The following DLGAP4 variants were observed in gnomAD, a reference collection of about 807,000 sequenced individuals.
The protein encoded by DLGAP4 is disks large-associated protein 4.
In DLGAP4, 18 loss-of-function variants were observed where a neutral mutation model predicts 86.9. The observed-to-expected ratio is 0.21, with a 90% CI of 0.14 to 0.31. The LOEUF is 0.31. DLGAP4 is among the 10% of genes least tolerant of loss of function. DLGAP4 has a pLI of 1.00. For synonymous variants in DLGAP4, 548 were observed against 574.3 expected (o/e 0.95, Z 0.65); for missense variants, 1,085 against 1,362.6 (o/e 0.80, Z 3.21).
rs2034050922 is a variant in DLGAP4, at chr20:36,461,550, C to A, written c.1648+14613C>A. 4.1e-6 allele frequency: 4 copies of A among 972,712 alleles called. No homozygotes were observed. In the South Asian group the frequency reaches 1.8e-4, roughly 45 times the overall value. The allele number at this position is 972,712 out of a possible 1,614,324, so 60.3% of individuals were successfully genotyped here. On this transcript the variant is annotated intron_variant, in intron 7 of 12. Transcript: ENST00000339266. ...CTGGCCGCCGCCGCCGCCGCCAGTC[C>A]GTCCGTCTGTCCGGTCCACGTCGTC...
At chr20:36,438,839 G>C (rs1248207293) in intron 4 of DLGAP4, among the ~76,000 whole-genome samples, 2 of 151,148 alleles carry the variant, frequency 1.3e-5, no homozygotes, top group Admixed American at 6.6e-5. Context: ...CTCCCGAGTA[G>C]CTGAGCTGAC....
intron 5 of DLGAP4, among the ~76,000 whole-genome samples, chr20:36,442,186 A>G (rs1014163614): frequency 6.6e-6 from 1 of 152,144 alleles, no homozygotes; most frequent in Non-Finnish European, 1.5e-5. Flanking sequence ...GACCTAAAGA[A>G]GGACTTTTAT....
At chr20:36,354,785 G>T (rs1328572766) in intron 1 of DLGAP4, among the ~76,000 whole-genome samples, 6 of 151,884 alleles carry the variant, frequency 4.0e-5, no homozygotes, top group Admixed American at 3.3e-4. Flanking sequence ...AAAAAGAAAA[G>T]AAAAAAATTG....
chr20:36,331,872 A>G (rs2147359891), intron 1 of DLGAP4, among the ~76,000 whole-genome samples: 1 of 152,138 alleles, frequency 6.6e-6, no homozygotes, highest in East Asian at 1.9e-4. Context: ...CTTACAAAGG[A>G]GCCAGTCTTT....
chr20:36,486,036 G>A (rs1001529975), intron 7 of DLGAP4, among the ~76,000 whole-genome samples: 1 of 152,114 alleles, frequency 6.6e-6, no homozygotes, highest in African/African-American at 2.4e-5. Context: ...CCTGGCCCTG[G>A]GGATTAGATC....
At chr20:36,515,890 T>C (rs75292837) in intron 10 of DLGAP4, among the ~76,000 whole-genome samples, 3,934 of 152,360 alleles carry the variant, frequency 0.026, 194 homozygotes, top group African/African-American at 0.09. Flanking sequence ...AACAAGACTG[T>C]TTATTTCATT....
chr20:36,495,808 C>T (rs1954592588), intron 7 of DLGAP4, among the ~76,000 whole-genome samples: 1 of 152,124 alleles, frequency 6.6e-6, no homozygotes, highest in African/African-American at 2.4e-5. Flanking sequence ...GTGGGAATGG[C>T]AAGATAGGGA....
At chr20:36,444,892 G>C (rs1312140201) in intron 6 of DLGAP4, among the ~76,000 whole-genome samples, 2 of 151,392 alleles carry the variant, frequency 1.3e-5, no homozygotes, top group African/African-American at 4.9e-5. Context: ...TACCCACCTT[G>C]GCGTCCCAAA....
rs1263496114 is a variant in DLGAP4 at position 36,332,971 on chromosome 20, G to A, written c.-304+26459G>A. Among the ~76,000 whole-genome samples, 4 of 152,190 alleles carry A rather than the reference G, an allele frequency of 2.6e-5. No individual in the cohort carries two copies. The East Asian group carries it at 7.7e-4, about 29-fold the overall frequency. Reference sequence around the variant, plus strand: ...GGAGGCTCTTTCTTTCCTTCCAAGAGCAAATTCTCACCCTCTCAGATGCAG... The same window carrying A: ...GGAGGCTCTTTCTTTCCTTCCAAGAACAAATTCTCACCCTCTCAGATGCAG... On this transcript the variant is annotated intron_variant, in intron 1 of 12. Coordinates refer to ENST00000339266, the MANE Select transcript of DLGAP4 (RefSeq NM_001365621.2).
intron 10 of DLGAP4, among the ~76,000 whole-genome samples, chr20:36,503,617 A>G (rs1285071251): frequency 6.6e-6 from 1 of 150,440 alleles, no homozygotes; most frequent in African/African-American, 2.5e-5. Flanking sequence ...CCTCCCCAGT[A>G]GCTGGAACTA....
At chr20:36,440,891 G>T (rs927042749) in intron 5 of DLGAP4, among the ~76,000 whole-genome samples, 3 of 152,064 alleles carry the variant, frequency 2.0e-5, no homozygotes, top group African/African-American at 7.3e-5. Flanking sequence ...CAGGACCACG[G>T]CTAGAGGACT....
Position 36,500,052 on chromosome 20 carries a change from T to C in DLGAP4, c.2100-147T>C. 1.1e-6 allele frequency: 1 copy of C among 935,924 alleles called. No homozygotes were observed. Among genetic ancestry groups the C allele is most frequent in the Non-Finnish European group, 1.6e-6 (1 of 640,962 alleles). The allele number at this position is 935,924 out of a possible 1,614,324, so 58.0% of individuals were successfully genotyped here. A position where few individuals can be genotyped will look rare whatever the true frequency, so the allele number is the denominator to read the frequency against. ...GCTGAGCCAAGAATGAGATGGGGGC[T>C]GTGGGACCCGCTTCAGGCGCATGGT... On this transcript the variant is annotated intron_variant, in intron 9 of 12. Transcript: ENST00000339266. The surrounding 1 kb of genome is among the most constrained non-coding windows in gnomAD (Gnocchi z 4.6).
At chr20:36,334,479 G>T (rs571866764) in intron 1 of DLGAP4, among the ~76,000 whole-genome samples, 9 of 152,318 alleles carry the variant, frequency 5.9e-5, no homozygotes, top group Middle Eastern at 3.4e-3. Context: ...CTTGGCTTGT[G>T]GTTCGAAAAG....
At chr20:36,505,698 G>A (rs1164086459) in intron 10 of DLGAP4, among the ~76,000 whole-genome samples, 3 of 152,168 alleles carry the variant, frequency 2.0e-5, no homozygotes, top group Non-Finnish European at 4.4e-5. Flanking sequence ...AGGATCACTT[G>A]AGCCCAGGAG....
intron 1 of DLGAP4, among the ~76,000 whole-genome samples, chr20:36,325,813 G>A (rs1243427412): frequency 6.6e-6 from 1 of 151,754 alleles, no homozygotes; most frequent in Non-Finnish European, 1.5e-5. Flanking sequence ...TACCTCCCGG[G>A]TTCAAGCGAT....
chr20:36,309,584 G>A (rs1156550580), intron 1 of DLGAP4, among the ~76,000 whole-genome samples: 1 of 152,216 alleles, frequency 6.6e-6, no homozygotes. Flanking sequence ...GTCCCAGCAG[G>A]TCTGTGGGAC....
chr20:36,503,927 CA>C (rs2075617520), intron 10 of DLGAP4, among the ~76,000 whole-genome samples: 3 of 152,092 alleles, frequency 2.0e-5, no homozygotes, highest in Admixed American at 2.0e-4. Flanking sequence ...TTTATTTATC[CA>C]TTCTTCTGTT....
chr20:36,462,400 T>TTTAAAA, intron 7 of DLGAP4: 1 of 1,393,248 alleles, frequency 7.2e-7, no homozygotes, highest in Non-Finnish European at 9.2e-7. Flanking sequence ...ACTCTGTGCC[T>TTTAAAA]CTTGCGCTGA....
chr20:36,437,695 G>C (rs1383544363), intron 4 of DLGAP4, among the ~76,000 whole-genome samples: 4 of 152,190 alleles, frequency 2.6e-5, no homozygotes, highest in Admixed American at 1.3e-4. Flanking sequence ...AGGAGCCAAG[G>C]CTTCATGGAG....
Sources: gnomAD v4.1 joint callset for allele counts (sites outside exome capture counted in the v4.1 genomes callset) on GRCh38, gnomAD v4.1.1 for gene constraint, Gnocchi (gnomAD v3.1) non-coding constraint, MANE v1.5 for transcripts, NCBI Gene and HGNC (gene_info 2026-07-23, HGNC 2026-07-21) for gene names.